The following BBS12 variants were observed in gnomAD, a reference collection of about 807,000 sequenced individuals.
The protein encoded by BBS12 is chaperonin-containing T-complex member BBS12.
A neutral mutation model predicts 5.6 loss-of-function variants in BBS12; 5 were observed. The ratio of observed to expected loss-of-function variants is 0.89; its 90% CI spans 0.46 to 1.86. The LOEUF (loss-of-function observed/expected upper bound fraction) is 1.86, where lower values mean the gene tolerates loss of function less well. BBS12 is among the 40% of genes most tolerant of loss of function. The probability of loss-of-function intolerance (pLI) is 0.01; values close to 1 mark genes in which losing one functional copy is unlikely to be tolerated. For synonymous variants in BBS12, 308 were observed against 306.8 expected (o/e 1.00, Z -0.04); for missense variants, 748 against 830.4 (o/e 0.90, Z 1.22).
chr4:122,733,661 G>C (rs781411446), intron 1 of BBS12, among the ~76,000 whole-genome samples: 3 of 152,178 alleles, frequency 2.0e-5, no homozygotes, highest in Non-Finnish European at 4.4e-5. Context: ...GGACAGGGGA[G>C]AAAGACTGAG....
chr4:122,709,514 A>G, the BBS12 span, among the ~76,000 whole-genome samples: 2 of 152,196 alleles, frequency 1.3e-5, no homozygotes, highest in Non-Finnish European at 2.9e-5. Context: ...GTTTATGATG[A>G]CATGGATTCT....
chr4:122,729,699 G>C (rs955664879), upstream of BBS12: 1 of 152,204 alleles, frequency 6.6e-6, no homozygotes, highest in Non-Finnish European at 1.5e-5. Flanking sequence ...TGTAATCCCA[G>C]CAGTTTGGGA....
At chr4:122,724,986 T>C in the BBS12 span, among the ~76,000 whole-genome samples, 2 of 152,318 alleles carry the variant, frequency 1.3e-5, no homozygotes, top group African/African-American at 4.8e-5. Flanking sequence ...TTTTTTTAAA[T>C]ATCCTTTCTT....
At chr4:122,710,154 T>A in the BBS12 span, among the ~76,000 whole-genome samples, 1 of 152,174 alleles carries the variant, frequency 6.6e-6, no homozygotes, top group Non-Finnish European at 1.5e-5. Flanking sequence ...AACTGCGGCG[T>A]AGGCACATCA....
At chr4:122,719,845 A>G in the BBS12 span, among the ~76,000 whole-genome samples, 3 of 152,242 alleles carry the variant, frequency 2.0e-5, no homozygotes, top group African/African-American at 7.2e-5. Context: ...TGGGCTTTCA[A>G]TTGAGATGCA....
the BBS12 span, among the ~76,000 whole-genome samples, chr4:122,704,334 A>G: frequency 4.6e-5 from 7 of 152,258 alleles, no homozygotes; most frequent in African/African-American, 1.7e-4. Flanking sequence ...AACAATAATC[A>G]TGCAGTTTTA....
chr4:122,716,734 CACGT>C, the BBS12 span, among the ~76,000 whole-genome samples: 14,993 of 125,282 alleles, frequency 0.12, 3,049 homozygotes, highest in African/African-American at 0.31. Flanking sequence ...TATACACACA[CACGT>C]GTGTGTGTAT....
At chr4:122,717,825 A>G in the BBS12 span, among the ~76,000 whole-genome samples, 1 of 152,128 alleles carries the variant, frequency 6.6e-6, no homozygotes, top group Non-Finnish European at 1.5e-5. Context: ...ACACCGAGCC[A>G]CTTTTCTGCT....
intron 1 of BBS12, among the ~76,000 whole-genome samples, chr4:122,740,850 A>G (rs1800860057): frequency 6.6e-6 from 1 of 152,188 alleles, no homozygotes; most frequent in Non-Finnish European, 1.5e-5. Context: ...TCTAAGTACT[A>G]TATTCACTCC....
the BBS12 span, among the ~76,000 whole-genome samples, chr4:122,708,947 T>C: frequency 3.9e-5 from 6 of 152,274 alleles, no homozygotes; most frequent in Non-Finnish European, 7.4e-5. Context: ...TGATAAAGCA[T>C]GTAAAATACT....
Position 122,742,453 on chromosome 4 carries a change from C to A in BBS12, c.561C>A (p.Ser187=). 1 of 1,614,152 alleles carries A rather than the reference C, an allele frequency of 6.2e-7. No individual in the cohort carries two copies. The highest frequency in any genetic ancestry group is 8.5e-7 in the Non-Finnish European group (1 of 1,180,018). The change falls in exon 2 of 2, where the codon TCC becomes TCA. Residue 187 remains serine (S), a synonymous_variant. Transcript: ENST00000314218. Reference sequence around the variant, plus strand: ...TTGCCTCTCAAACACTGACCATTTCCAACCTTTCTGGGAGACCTCTTAAAT... The same window carrying A: ...TTGCCTCTCAAACACTGACCATTTCAAACCTTTCTGGGAGACCTCTTAAAT... ...KDVASQTLTI[S]NLSGRPLKSY...
the BBS12 span, among the ~76,000 whole-genome samples, chr4:122,707,968 C>T: frequency 6.7e-5 from 10 of 149,672 alleles, no homozygotes; most frequent in East Asian, 1.4e-3. Context: ...TTCCTTCCTT[C>T]CTTCCTTTCT....
At chr4:122,710,440 C>G in the BBS12 span, among the ~76,000 whole-genome samples, 1 of 152,196 alleles carries the variant, frequency 6.6e-6, no homozygotes, top group Non-Finnish European at 1.5e-5. Context: ...CATAGCACAA[C>G]TGGGGCAGTA....
the BBS12 span, among the ~76,000 whole-genome samples, chr4:122,702,389 G>C: frequency 1.2e-4 from 19 of 152,250 alleles, no homozygotes. Context: ...GATCTGGAGA[G>C]AGAGAGCATG....
chr4:122,742,639 A>G lies in BBS12; in HGVS notation c.747A>G (p.Pro249=). Residue 249 remains proline, a synonymous_variant, in exon 2 of 2, where the codon CCA becomes CCG. Transcript: ENST00000314218. ...ATAATACTGAAGGGGTAAGCAAACC[A>G]GATGGATTTCAAGAACATGTTACAG... is the stretch of plus-strand genomic sequence containing the variant. ...RTDNTEGVSK[P]DGFQEHVTAT... The G allele has an allele frequency of 6.2e-7, 1 of 1,614,280 alleles. No individual in the cohort carries two copies. Among genetic ancestry groups the G allele is most frequent in the Non-Finnish European group, 8.5e-7 (1 of 1,180,052 alleles).
At chr4:122,723,296 T>G in the BBS12 span, among the ~76,000 whole-genome samples, 4 of 152,218 alleles carry the variant, frequency 2.6e-5, no homozygotes, top group African/African-American at 7.2e-5. Context: ...TCTTTTTCTA[T>G]TCTCTGAAAG....
Position 122,743,722 on chromosome 4 carries a change from A to T in BBS12, c.1830A>T (p.Ser610=). ...TCCTATATAACACTGCCAATTACTC[A>T]TCAGAATTTGAAGCCAGCACATACA... is the stretch of plus-strand genomic sequence containing the variant. ...STLLYNTANY[S]SEFEASTYIQ... The change falls in exon 2 of 2, where the codon TCA becomes TCT. Residue 610 remains serine (S), a synonymous_variant. Coordinates refer to ENST00000314218, the MANE Select transcript of BBS12 (RefSeq NM_152618.3). 6.2e-7 allele frequency: 1 copy of T among 1,614,210 alleles called. No individual in the cohort carries two copies. The highest frequency in any genetic ancestry group is 8.5e-7 in the Non-Finnish European group (1 of 1,180,040).
At chr4:122,709,816 G>A in the BBS12 span, among the ~76,000 whole-genome samples, 1 of 151,874 alleles carries the variant, frequency 6.6e-6, no homozygotes, top group African/African-American at 2.4e-5. Flanking sequence ...CACCACACCT[G>A]GCTAATTTTT....
the BBS12 span, among the ~76,000 whole-genome samples, chr4:122,704,080 G>A: frequency 6.6e-6 from 1 of 152,122 alleles, no homozygotes; most frequent in Admixed American, 6.5e-5. Context: ...TAACTTTTGG[G>A]CTCAAGTGAT....
Sources: gnomAD v4.1 joint callset for allele counts (sites outside exome capture counted in the v4.1 genomes callset) on GRCh38, gnomAD v4.1.1 for gene constraint, MANE v1.5 for transcripts, NCBI Gene and HGNC (gene_info 2026-07-23, HGNC 2026-07-21) for gene names.